The following ETS1 variants were observed in gnomAD, a reference collection of about 807,000 sequenced individuals.
ETS1 encodes protein C-ets-1.
In ETS1, 15 loss-of-function variants were observed where a neutral mutation model predicts 58.6. The observed-to-expected ratio is 0.26, with a 90% CI of 0.17 to 0.39. The LOEUF (loss-of-function observed/expected upper bound fraction) is 0.39, where lower values mean the gene tolerates loss of function less well. Among genes scored for constraint, ETS1 ranks in the 10% least tolerant of loss-of-function variants. The probability of loss-of-function intolerance (pLI) is 1.00; values close to 1 mark genes in which losing one functional copy is unlikely to be tolerated. For synonymous variants in ETS1, 214 were observed against 218.2 expected (o/e 0.98, Z 0.17); for missense variants, 417 against 610.5 (o/e 0.68, Z 3.34).
At chr11:128,551,037 G>T (rs1316823638) in intron 3 of ETS1, among the ~76,000 whole-genome samples, 1 of 152,092 alleles carries the variant, frequency 6.6e-6, no homozygotes, top group Non-Finnish European at 1.5e-5. Flanking sequence ...CATCCCTAAA[G>T]CACACACACT....
chr11:128,512,899 T>TG (rs1863427784), intron 3 of ETS1, among the ~76,000 whole-genome samples: 1 of 152,262 alleles, frequency 6.6e-6, no homozygotes, highest in African/African-American at 2.4e-5. Flanking sequence ...CGGAAGCAGC[T>TG]GGACTAGCTG....
At chr11:128,581,753 T>C (rs1864875293) in intron 1 of ETS1, among the ~76,000 whole-genome samples, 2 of 152,130 alleles carry the variant, frequency 1.3e-5, no homozygotes, top group African/African-American at 4.8e-5. Context: ...TTTTAAAGAA[T>C]TACATTACAG....
intron 1 of ETS1, among the ~76,000 whole-genome samples, chr11:128,583,892 G>C (rs1052517584): frequency 2.0e-5 from 3 of 152,042 alleles, no homozygotes; most frequent in Non-Finnish European, 2.9e-5. Context: ...TTGAAAAAAA[G>C]GCAGATCAGA....
At chr11:128,487,637 G>A (rs1234315934) in intron 5 of ETS1, among the ~76,000 whole-genome samples, 5 of 152,238 alleles carry the variant, frequency 3.3e-5, no homozygotes, top group African/African-American at 9.6e-5. Context: ...TACTCAGGAG[G>A]GTGAGGCAGG....
At chr11:128,474,899 AT>A (rs1392705545) in intron 8 of ETS1, among the ~76,000 whole-genome samples, 1 of 152,208 alleles carries the variant, frequency 6.6e-6, no homozygotes, top group Non-Finnish European at 1.5e-5. Flanking sequence ...GATGGTCTAC[AT>A]TGAGACTGTG....
At chr11:128,526,518 A>G (rs1315818046) in intron 3 of ETS1, 1 of 193,118 alleles carries the variant, frequency 5.2e-6, no homozygotes, top group Non-Finnish European at 1.1e-5. Flanking sequence ...AATCACATTA[A>G]ATGTCTGTCT....
intron 1 of ETS1, among the ~76,000 whole-genome samples, chr11:128,573,502 C>A (rs569123022): frequency 6.6e-6 from 1 of 152,172 alleles, no homozygotes; most frequent in East Asian, 1.9e-4. Context: ...CCAGGCCTGG[C>A]AGATAAGTAG....
chr11:128,462,822 TG>T (rs1473742014), intron 9 of ETS1, among the ~76,000 whole-genome samples: 2 of 152,194 alleles, frequency 1.3e-5, no homozygotes, highest in Non-Finnish European at 2.9e-5. Context: ...ACAGTGACCC[TG>T]AACTAGGATT....
intron 8 of ETS1, among the ~76,000 whole-genome samples, chr11:128,465,368 T>C (rs1862006816): frequency 6.6e-6 from 1 of 152,234 alleles, no homozygotes; most frequent in Non-Finnish European, 1.5e-5. Context: ...TAGCTTCCTC[T>C]GTTTCTACTT....
At chr11:128,503,217 T>C (rs2135484982) in intron 3 of ETS1, among the ~76,000 whole-genome samples, 1 of 152,268 alleles carries the variant, frequency 6.6e-6, no homozygotes, top group South Asian at 2.1e-4. Context: ...ACAGACAACA[T>C]CCCAGATAAT....
intron 3 of ETS1, among the ~76,000 whole-genome samples, chr11:128,555,845 G>A (rs1464785718): frequency 6.6e-6 from 1 of 152,170 alleles, no homozygotes; most frequent in Non-Finnish European, 1.5e-5. Flanking sequence ...AGAGACAGAG[G>A]AAAAAGAATT....
Position 128,556,435 on chromosome 11 carries a change from T to A in ETS1, c.70A>T (p.Arg24Trp). Residue 24 changes from arginine to tryptophan, a missense_variant and splice_region_variant, in exon 3 of 10, where the codon AGG (arginine) becomes TGG (tryptophan). This residue lies in a region of ETS1 where 90 missense variants were observed against 90.3 expected (regional missense o/e 1.00). Transcript: ENST00000392668. Reference protein sequence around the residue: ...PYSAPRPAVVRQGPSNTYEDP... With the variant: ...PYSAPRPAVVWQGPSNTYEDP... ...TCATAAGTGTTGCTAGGTCCTTGCCTCTGTGCAAGAAAAAATAGAAGAAAA... is the reference window on the plus strand; with the variant it reads ...TCATAAGTGTTGCTAGGTCCTTGCCACTGTGCAAGAAAAAATAGAAGAAAA... 1 of 1,591,210 alleles carries A rather than the reference T, an allele frequency of 6.3e-7. No homozygotes were observed.
chr11:128,517,329 G>A (rs1274678121), intron 3 of ETS1, among the ~76,000 whole-genome samples: 1 of 152,212 alleles, frequency 6.6e-6, no homozygotes, highest in African/African-American at 2.4e-5. Context: ...AAAATTTTAG[G>A]TATAAAATGC....
At chr11:128,558,129 G>A (rs1203351530) in intron 2 of ETS1, among the ~76,000 whole-genome samples, 2 of 152,214 alleles carry the variant, frequency 1.3e-5, no homozygotes, top group Admixed American at 6.5e-5. Context: ...CTTTGGGGCT[G>A]TTTATCTTCC....
chr11:128,581,489 C>A (rs1864869629), intron 1 of ETS1, among the ~76,000 whole-genome samples: 1 of 152,046 alleles, frequency 6.6e-6, no homozygotes, highest in Non-Finnish European at 1.5e-5. Context: ...TACTCCTGAG[C>A]CAGAAGCATG....
At chr11:128,553,262 A>G (rs981970727) in intron 3 of ETS1, among the ~76,000 whole-genome samples, 13 of 152,238 alleles carry the variant, frequency 8.5e-5, no homozygotes, top group Non-Finnish European at 1.8e-4. Context: ...AATGAAAGAA[A>G]ATGATGACTA....
chr11:128,467,973 C>T (rs567964484), intron 8 of ETS1, among the ~76,000 whole-genome samples: 8 of 152,138 alleles, frequency 5.3e-5, no homozygotes, highest in African/African-American at 1.2e-4. Flanking sequence ...CCCTCTCAGG[C>T]GGCTGCAGGG....
At chr11:128,480,126 C>T in intron 8 of ETS1, 65 bp downstream of exon 8, 1 of 1,586,182 alleles carries the variant, frequency 6.3e-7, no homozygotes, top group South Asian at 1.1e-5. Flanking sequence ...TGCAGAGTGC[C>T]TTCCAGGACC....
At chr11:128,473,496 C>T (rs573716161) in intron 8 of ETS1, among the ~76,000 whole-genome samples, 6 of 152,358 alleles carry the variant, frequency 3.9e-5, no homozygotes, top group Non-Finnish European at 8.8e-5. Flanking sequence ...GAGATGTTAG[C>T]TTGCCAAAGG....
Sources: allele counts gnomAD v4.1 joint callset (sites outside exome capture counted in the v4.1 genomes callset), GRCh38; gene constraint gnomAD v4.1.1; regional missense constraint gnomAD v4.1.1; transcripts MANE v1.5; gene names NCBI Gene and HGNC (gene_info 2026-07-23, HGNC 2026-07-21).